The following DNAH11 variants were observed in gnomAD, a reference collection of about 807,000 sequenced individuals.
DNAH11 encodes the protein axonemal beta dynein heavy chain 11.
DNAH11 carries 442 observed loss-of-function variants against 526.0 expected under a neutral mutation model. That is an observed-to-expected ratio of 0.84 (90% confidence interval 0.78 to 0.91). The LOEUF is 0.91. DNAH11 is among the 40% of genes least tolerant of loss of function. DNAH11 has a pLI of 0.00. For synonymous variants in DNAH11, 2,461 were observed against 1,935.9 expected (o/e 1.27, Z -7.12); for missense variants, 6,989 against 5,448.7 (o/e 1.28, Z -8.90).
Position 21,880,882 on chromosome 7 carries a change from G to A in DNAH11, c.12376G>A (p.Ala4126Thr), listed in dbSNP as rs745394629. Residue 4126 changes from alanine to threonine, a missense_variant, in exon 75 of 82, where the codon GCA becomes ACA. Ala to Thr is a moderately conservative substitution (Grantham distance 58). Coordinates refer to ENST00000409508, the MANE Select transcript of DNAH11 (RefSeq NM_001277115.2). ...CASVLYNYLE[A>T]NSKVPWEDLR... ...CAGTGTCCTCTACAACTACTTAGAG[G>A]CAAACTCTAAAGTAAGTGCTAGTGG... 1.2e-6 allele frequency: 2 copies of A among 1,603,668 alleles called. No individual in the cohort carries two copies. The highest frequency in any genetic ancestry group is 8.5e-7 in the Non-Finnish European group (1 of 1,177,334).
In DNAH11 at chr7:21,892,623, A is replaced by G. The variant is rs2128047737; in HGVS notation, c.12706A>G (p.Asn4236Asp). 1 of 1,613,098 alleles carries G rather than the reference A, an allele frequency of 6.2e-7. No individual in the cohort carries two copies. Among genetic ancestry groups the G allele is most frequent in the East Asian group, 2.2e-5 (1 of 44,872 alleles). The change falls in exon 77 of 82, where the codon AAT (asparagine) becomes GAT (aspartate). Residue 4236 changes from asparagine (N) to aspartate (D), a missense_variant. Transcript: ENST00000409508. ...AACTTTGCTGGAGATGCAGCCCAGGAATGCACTCAGTGGTGATGAACTGGG... is the reference window on the plus strand; with the variant it reads ...AACTTTGCTGGAGATGCAGCCCAGGGATGCACTCAGTGGTGATGAACTGGG... ...FRTLLEMQPR[N>D]ALSGDELGQS... is the part of the protein sequence containing the mutation.
At position 21,837,986 on chromosome 7, in the gene DNAH11, A is replaced by T. The variant is rs940878734; in HGVS notation, c.10692-4558A>T. Among the ~76,000 whole-genome samples the T allele has an allele frequency of 5.3e-5, 8 of 152,348 alleles. No individual in the cohort carries two copies. In the South Asian group the frequency reaches 6.2e-4, roughly 12 times the overall value. On this transcript the variant is annotated intron_variant, in intron 65 of 81. Coordinates refer to ENST00000409508, the MANE Select transcript of DNAH11 (RefSeq NM_001277115.2). ...ATGTGTCAATTAAAAACAGTTTTTA[A>T]AAAAGTCAGTCATACACATCCTGAA...
intron 76 of DNAH11, among the ~76,000 whole-genome samples, chr7:21,889,450 A>G (rs939831575): frequency 6.6e-6 from 1 of 152,202 alleles, no homozygotes; most frequent in Non-Finnish European, 1.5e-5. Context: ...CTCTATGTTT[A>G]TCATTTGCAA....
chr7:21,579,340 A>G (rs181968605), intron 8 of DNAH11, among the ~76,000 whole-genome samples: 1 of 152,308 alleles, frequency 6.6e-6, no homozygotes, highest in East Asian at 1.9e-4. Context: ...TTGGTACTGT[A>G]ATTGTGAAAG....
intron 42 of DNAH11, among the ~76,000 whole-genome samples, chr7:21,713,757 C>G (rs1784546675): frequency 6.6e-6 from 1 of 152,174 alleles, no homozygotes; most frequent in Non-Finnish European, 1.5e-5. Context: ...AAGTCTCATT[C>G]CTTACCTCTA....
intron 28 of DNAH11, among the ~76,000 whole-genome samples, chr7:21,647,846 A>G (rs1787433089): frequency 6.6e-6 from 1 of 152,220 alleles, no homozygotes; most frequent in Admixed American, 6.5e-5. Flanking sequence ...AGATGTTTTA[A>G]CACATTCAAA....
rs943142146 is a variant in DNAH11, at chr7:21,543,351, G to A, written c.106G>A (p.Glu36Lys). The A allele has an allele frequency of 1.2e-5, 16 of 1,305,462 alleles. No homozygotes were observed. Among genetic ancestry groups the A allele is most frequent in the East Asian group, 2.7e-5 (1 of 37,360 alleles). The allele number at this position is 1,305,462 out of a possible 1,614,324, so 80.9% of individuals were successfully genotyped here. A position where few individuals can be genotyped will look rare whatever the true frequency, so the allele number is the denominator to read the frequency against. Reference protein sequence around the residue: ...GLEAVGAVELEEEEENEEEAA... With the variant: ...GLEAVGAVELKEEEENEEEAA... ...GGAGGCAGTGGGCGCTGTGGAGCTC[G>A]AGGAGGAGGAGGAGAACGAGGAGGA... The change falls in exon 1 of 82, where the codon GAG (glutamate) becomes AAG (lysine). Residue 36 changes from glutamate to lysine, a missense_variant. Coordinates refer to ENST00000409508, the MANE Select transcript of DNAH11 (RefSeq NM_001277115.2).
At chr7:21,675,763 A>G (rs1017513689) in intron 30 of DNAH11, among the ~76,000 whole-genome samples, 2 of 152,216 alleles carry the variant, frequency 1.3e-5, no homozygotes, top group African/African-American at 2.4e-5. Context: ...ACAGAATGAG[A>G]CAGATGTGGG....
chr7:21,639,868 G>GT (rs11421694), intron 28 of DNAH11, among the ~76,000 whole-genome samples: 11,105 of 149,090 alleles, frequency 0.074, 1,076 homozygotes, highest in African/African-American at 0.23. Context: ...TTTTCTCCAT[G>GT]TTTTTTTTTT....
chr7:21,753,606 A>T (rs577771736), intron 54 of DNAH11, among the ~76,000 whole-genome samples: 8 of 152,300 alleles, frequency 5.3e-5, no homozygotes, highest in African/African-American at 1.9e-4. Flanking sequence ...ATCAGCTTCA[A>T]ATACCATCTT....
intron 9 of DNAH11, among the ~76,000 whole-genome samples, chr7:21,584,121 A>G (rs980643966): frequency 3.9e-5 from 6 of 152,250 alleles, no homozygotes; most frequent in Non-Finnish European, 8.8e-5. Context: ...ATAAAGACAC[A>G]TGCACACATA....
At chr7:21,893,806 G>A (rs762938126) in intron 77 of DNAH11, among the ~76,000 whole-genome samples, 5 of 152,214 alleles carry the variant, frequency 3.3e-5, no homozygotes, top group Non-Finnish European at 5.9e-5. Flanking sequence ...ATTTTAGGAT[G>A]CCGTGGTTGG....
intron 45 of DNAH11, among the ~76,000 whole-genome samples, chr7:21,734,855 C>A (rs1785534855): frequency 6.7e-6 from 1 of 150,156 alleles, no homozygotes; most frequent in Non-Finnish European, 1.5e-5. Context: ...GAGACCCTGT[C>A]TCAAAAAAAA....
chr7:21,791,835 A>G (rs2127989687), intron 61 of DNAH11, among the ~76,000 whole-genome samples: 2 of 152,334 alleles, frequency 1.3e-5, no homozygotes, highest in Middle Eastern at 6.8e-3. Context: ...GGTCAGGAAT[A>G]TATAGTTGGG....
chr7:21,899,554 C>A, intron 80 of DNAH11, 106 bp downstream of exon 80: 1 of 859,722 alleles, frequency 1.2e-6, no homozygotes, highest in Non-Finnish European at 1.8e-6. Flanking sequence ...GCTCACCAAT[C>A]CTCAAGCAGC....
chr7:21,617,837 T>A, intron 23 of DNAH11, 60 bp downstream of exon 23: 1 of 1,468,040 alleles, frequency 6.8e-7, no homozygotes, highest in Non-Finnish European at 9.1e-7. Flanking sequence ...TACTTCTTGG[T>A]TTGCATCATC....
chr7:21,583,726 C>T (rs965654069), intron 9 of DNAH11, among the ~76,000 whole-genome samples: 3 of 152,016 alleles, frequency 2.0e-5, no homozygotes, highest in Non-Finnish European at 2.9e-5. Flanking sequence ...GGAACTTAAA[C>T]AAATTTACAA....
At chr7:21,690,956 G>A in intron 35 of DNAH11, 75 bp downstream of exon 35, 3 of 1,122,838 alleles carry the variant, frequency 2.7e-6, no homozygotes, top group Non-Finnish European at 3.9e-6. Flanking sequence ...ACTGTTAAGT[G>A]GTTTGCTTTT....
chr7:21,866,382 C>A, intron 70 of DNAH11, 88 bp from the exon 71 acceptor site: 16 of 1,200,500 alleles, frequency 1.3e-5, no homozygotes, highest in South Asian at 1.7e-5. Context: ...AGTTTTTTTA[C>A]ATAAGATTAG....
Sources: allele counts gnomAD v4.1 joint callset (sites outside exome capture counted in the v4.1 genomes callset), GRCh38; gene constraint gnomAD v4.1.1; transcripts MANE v1.5; gene names NCBI Gene and HGNC (gene_info 2026-07-23, HGNC 2026-07-21).